ZNF280B: variants seen among roughly 807,000 people sequenced by gnomAD.
ZNF280B encodes suppressor of hairy wing homolog 2.
Under a neutral mutation model 38.0 loss-of-function variants are expected in ZNF280B, and 16 were observed. The observed-to-expected ratio is 0.42, with a 90% CI of 0.28 to 0.64. The LOEUF is 0.64. Among genes scored for constraint, ZNF280B ranks in the 30% least tolerant of loss-of-function variants. The pLI is 0.21. For missense variants in ZNF280B, 581 were observed against 639.6 expected (o/e 0.91, Z 0.99); for synonymous variants, 253 against 230.6 (o/e 1.10, Z -0.88).
chr22:22,505,479 T>G (rs150103311), intron 2 of ZNF280B, among the ~76,000 whole-genome samples: 3 of 151,656 alleles, frequency 2.0e-5, no homozygotes, highest in Admixed American at 6.6e-5. Context: ...GGCAGGAGAA[T>G]TGCTTGAACC....
chr22:22,495,319 A>C (rs73878499), intron 2 of ZNF280B, among the ~76,000 whole-genome samples: 4,602 of 151,998 alleles, frequency 0.03, 143 homozygotes, highest in African/African-American at 0.074. Flanking sequence ...CCATTAATGA[A>C]TATTGAGTGC....
At chr22:22,502,007 G>T (rs2061835952) in intron 2 of ZNF280B, among the ~76,000 whole-genome samples, 1 of 151,176 alleles carries the variant, frequency 6.6e-6, no homozygotes, top group African/African-American at 2.4e-5. Flanking sequence ...CTCAGGGGTG[G>T]AATGAGGCAG....
At chr22:22,503,988 C>T (rs1164021180) in intron 2 of ZNF280B, among the ~76,000 whole-genome samples, 1 of 151,960 alleles carries the variant, frequency 6.6e-6, no homozygotes, top group East Asian at 2.0e-4. Flanking sequence ...ACTTATACAA[C>T]ACTAATGCTA....
rs923246491 is a variant in ZNF280B, at chr22:22,486,977, C to A, written c.*790G>T. On this transcript the variant is annotated 3_prime_UTR_variant, in exon 4 of 4. Coordinates refer to ENST00000626650, the MANE Select transcript of ZNF280B (RefSeq NM_080764.4). ...CACAGCAGAGGCACTTCTGGGAATT[C>A]GGCAGCAAGTGGGCCAGGGCATAAC... The A allele has an allele frequency of 1.3e-5, 2 of 151,966 alleles. No individual in the cohort carries two copies. Among genetic ancestry groups the A allele is most frequent in the Non-Finnish European group, 1.5e-5 (1 of 68,022 alleles). 9.4% of individuals were successfully genotyped at this position (151,966 alleles called of 1,614,324 possible).
chr22:22,497,108 G>A (rs566544398), intron 2 of ZNF280B, among the ~76,000 whole-genome samples: 249 of 147,694 alleles, frequency 1.7e-3, no homozygotes, highest in African/African-American at 5.9e-3. Flanking sequence ...GTGAGGCACC[G>A]TGCCCAGCCT....
intron 3 of ZNF280B, among the ~76,000 whole-genome samples, chr22:22,491,155 G>A (rs2061585867): frequency 6.6e-6 from 1 of 151,652 alleles, no homozygotes; most frequent in Admixed American, 6.6e-5. Context: ...TACAGAATTT[G>A]TTAAATGAAT....
In ZNF280B at chr22:22,488,902, T is replaced by C. The variant is rs781271147; in HGVS notation, c.497A>G (p.Asn166Ser). ...TTGCTTTGATACACGAGGACTTTCA[T>C]TTATACCTCCTACTGAAAGTGCTGT... The part of the protein sequence containing the change: ...VSTALSVGGI[N>S]ESPRVSKQLS... The change falls in exon 4 of 4, where the codon AAT becomes AGT. Residue 166 changes from asparagine (N) to serine (S), a missense_variant. By Grantham distance (46) the Asn-to-Ser change is conservative. Transcript: ENST00000626650. The C allele has an allele frequency of 3.7e-6, 6 of 1,613,736 alleles. No homozygotes were observed. The East Asian group carries it at 8.9e-5, about 24-fold the overall frequency.
rs2061867028 is a variant in ZNF280B, at chr22:22,503,436, C to T, written c.-187+4374G>A. Among the ~76,000 whole-genome samples, 2 of 151,976 alleles carry T rather than the reference C, an allele frequency of 1.3e-5. 1 individual carries two copies. The highest frequency in any genetic ancestry group is 3.9e-4 in the East Asian group (2 of 5,096). On this transcript the variant is annotated intron_variant, in intron 2 of 3. Transcript: ENST00000626650. Reference sequence around the variant, plus strand: ...TGCCTAGTAACAGGCTGGTATAACCCCCCATCTCCCAACAACTGCTGCTAA... The same window carrying T: ...TGCCTAGTAACAGGCTGGTATAACCTCCCATCTCCCAACAACTGCTGCTAA...
Position 22,484,621 on chromosome 22 carries a change from T to C in ZNF280B, c.*3146A>G, listed in dbSNP as rs1446054706. 1 of 152,318 alleles carries C rather than the reference T, an allele frequency of 6.6e-6. No homozygotes were observed. The allele number at this position is 152,318 out of a possible 1,614,324, so 9.4% of individuals were successfully genotyped here. A position where few individuals can be genotyped will look rare whatever the true frequency, so the allele number is the denominator to read the frequency against. On this transcript the variant is annotated 3_prime_UTR_variant, in exon 4 of 4. Coordinates refer to ENST00000626650, the MANE Select transcript of ZNF280B (RefSeq NM_080764.4). ...ACAAAGTGACATTGCCTTAAAAATA[T>C]ATAGAGGTATCAATAGAAAAACAGA...
intron 2 of ZNF280B, among the ~76,000 whole-genome samples, chr22:22,494,513 T>C (rs1385838750): frequency 4.6e-5 from 7 of 151,898 alleles, no homozygotes; most frequent in African/African-American, 1.7e-4. Context: ...TGAATGCTTA[T>C]TTTCCAATTT....
In ZNF280B at chr22:22,508,583, G is replaced by C. The variant is rs1232247879; in HGVS notation, c.-248+76C>G. The stretch of plus-strand genomic sequence containing the variant: ...GCCAAGCGCGGTGTCGCGACCCGCA[G>C]GGCTGCGGCTCGCCATGAAATCCCT... On this transcript the variant is annotated intron_variant, in intron 1 of 3. Coordinates refer to ENST00000626650, the MANE Select transcript of ZNF280B (RefSeq NM_080764.4). The C allele has an allele frequency of 5.3e-5, 8 of 152,312 alleles. No homozygotes were observed. In the East Asian group the frequency reaches 1.6e-3, roughly 30 times the overall value. The allele number at this position is 152,312 out of a possible 1,614,324, so 9.4% of individuals were successfully genotyped here.
chr22:22,503,629 T>C (rs1168345432), intron 2 of ZNF280B, among the ~76,000 whole-genome samples: 1 of 151,902 alleles, frequency 6.6e-6, no homozygotes, highest in Non-Finnish European at 1.5e-5. Context: ...CCTTGCAGAG[T>C]GAACTCTTCT....
In ZNF280B at chr22:22,503,846, G is replaced by A. The variant is rs2146851390; in HGVS notation, c.-187+3964C>T. ...GAATCTAGAGGTTGTGAAAAGCTGTGAGAGCATATTCTATGCAGACCACAT... is the reference window on the plus strand; with the variant it reads ...GAATCTAGAGGTTGTGAAAAGCTGTAAGAGCATATTCTATGCAGACCACAT... On this transcript the variant is annotated intron_variant, in intron 2 of 3. Coordinates refer to ENST00000626650, the MANE Select transcript of ZNF280B (RefSeq NM_080764.4). Among the ~76,000 whole-genome samples, 2 of 152,032 alleles carry A rather than the reference G, an allele frequency of 1.3e-5. 1 individual carries two copies. Among genetic ancestry groups the A allele is most frequent in the African/African-American group, 4.8e-5 (2 of 41,496 alleles).
rs892285224 is a variant in ZNF280B at position 22,484,603 on chromosome 22, G to A, written c.*3164C>T. The stretch of plus-strand genomic sequence containing the variant: ...AATATATTTGTAAACAAAACAAAGT[G>A]ACATTGCCTTAAAAATATATAGAGG... On this transcript the variant is annotated 3_prime_UTR_variant, in exon 4 of 4. Coordinates refer to ENST00000626650, the MANE Select transcript of ZNF280B (RefSeq NM_080764.4). The A allele has an allele frequency of 6.6e-6, 1 of 152,308 alleles. No individual in the cohort carries two copies. Among genetic ancestry groups the A allele is most frequent in the African/African-American group, 2.4e-5 (1 of 41,368 alleles). The allele number at this position is 152,308 out of a possible 1,614,324, so 9.4% of individuals were successfully genotyped here.
At chr22:22,506,609 A>T (rs2061944325) in intron 2 of ZNF280B, among the ~76,000 whole-genome samples, 1 of 151,794 alleles carries the variant, frequency 6.6e-6, no homozygotes, top group South Asian at 2.1e-4. Flanking sequence ...AGCAGATGGG[A>T]GATGTGGCAT....
chr22:22,496,116 T>C (rs2061689311), intron 2 of ZNF280B, among the ~76,000 whole-genome samples: 1 of 141,366 alleles, frequency 7.1e-6, no homozygotes, highest in Non-Finnish European at 1.5e-5. Context: ...TTTTTTTTTT[T>C]TTTTTTTTTT....
intron 3 of ZNF280B, among the ~76,000 whole-genome samples, chr22:22,491,873 T>C (rs2061602657): frequency 6.6e-6 from 1 of 151,958 alleles, no homozygotes; most frequent in Non-Finnish European, 1.5e-5. Flanking sequence ...GCTAGCAAAA[T>C]GTACGCACTA....
In ZNF280B at chr22:22,488,094, G is replaced by A. The variant is rs1272116658; in HGVS notation, c.1305C>T (p.Pro435=). The A allele has an allele frequency of 1.9e-6, 3 of 1,613,912 alleles. No individual in the cohort carries two copies. Among genetic ancestry groups the A allele is most frequent in the Non-Finnish European group, 2.5e-6 (3 of 1,179,974 alleles). ...CTGTTTTGAAAATTTTGAGACAAAA[G>A]GGACAAAGCAAATTCTTTGTGTTTT... ...CHENTKNLLC[P]FCLKIFKTAT... The change falls in exon 4 of 4, where the codon CCC becomes CCT. Residue 435 remains proline (P), a synonymous_variant. Transcript: ENST00000626650.
chr22:22,498,584 T>C (rs2061747417), intron 2 of ZNF280B, among the ~76,000 whole-genome samples: 1 of 151,732 alleles, frequency 6.6e-6, no homozygotes, highest in Admixed American at 6.6e-5. Flanking sequence ...ATCAAAAAAC[T>C]TCCCCAAATA....
Sources: allele counts gnomAD v4.1 joint callset (sites outside exome capture counted in the v4.1 genomes callset), GRCh38; gene constraint gnomAD v4.1.1; transcripts MANE v1.5; gene names NCBI Gene and HGNC (gene_info 2026-07-23, HGNC 2026-07-21).